Variants in LRRC8B observed in about 807,000 individuals in gnomAD.
The protein encoded by LRRC8B is leucine rich repeat containing 8 VRAC subunit B.
Under a neutral mutation model 58.8 loss-of-function variants are expected in LRRC8B, and 23 were observed. The ratio of observed to expected loss-of-function variants is 0.39; its 90% confidence interval spans 0.28 to 0.55. The LOEUF is 0.55. Among genes scored for constraint, LRRC8B ranks in the 20% least tolerant of loss-of-function variants. The pLI is 0.62. For missense variants in LRRC8B, 694 were observed against 936.0 expected (o/e 0.74, Z 3.37); for synonymous variants, 359 against 374.1 (o/e 0.96, Z 0.47).
intron 1 of LRRC8B, among the ~76,000 whole-genome samples, chr1:89,557,155 A>G (rs1170693886): frequency 1.3e-5 from 2 of 152,208 alleles, no homozygotes; most frequent in African/African-American, 4.8e-5. Flanking sequence ...GAAACAAATG[A>G]GTGACATTCT....
At chr1:89,580,116 A>G (rs1003933198) in intron 4 of LRRC8B, among the ~76,000 whole-genome samples, 5 of 152,310 alleles carry the variant, frequency 3.3e-5, no homozygotes, top group Admixed American at 3.3e-4. Flanking sequence ...CAAATCCACT[A>G]TTCTTTCACC....
At chr1:89,528,805 A>G (rs527423646) in intron 1 of LRRC8B, among the ~76,000 whole-genome samples, 1 of 152,288 alleles carries the variant, frequency 6.6e-6, no homozygotes, top group African/African-American at 2.4e-5. Flanking sequence ...AGTTCCAAGT[A>G]GCAGAAAGGA....
chr1:89,585,886 A>G (rs1340676386), intron 5 of LRRC8B, among the ~76,000 whole-genome samples: 1 of 152,234 alleles, frequency 6.6e-6, no homozygotes, highest in African/African-American at 2.4e-5. Flanking sequence ...CATGGTAAAT[A>G]TAGCTATGAG....
chr1:89,579,148 C>T (rs1238926826), intron 3 of LRRC8B, among the ~76,000 whole-genome samples: 1 of 152,106 alleles, frequency 6.6e-6, no homozygotes, highest in Non-Finnish European at 1.5e-5. Context: ...CAAATAAGAA[C>T]GACTGTGTTT....
In LRRC8B at chr1:89,577,096, A is replaced by G. The variant is rs1653907980; in HGVS notation, c.-124-2495A>G. ...GGGATATAAGGTGATTTTTAAATCAATTTTCAATGAGAGTAGTGTAGAGAA... is the reference window on the plus strand; with the variant it reads ...GGGATATAAGGTGATTTTTAAATCAGTTTTCAATGAGAGTAGTGTAGAGAA... On this transcript the variant is annotated intron_variant, in intron 3 of 5. Transcript: ENST00000330947. Among the ~76,000 whole-genome samples, 5 of 152,158 alleles carry G rather than the reference A, an allele frequency of 3.3e-5. 1 individual carries two copies. The highest frequency in any genetic ancestry group is 3.3e-4 in the Admixed American group (5 of 15,270).
intron 3 of LRRC8B, among the ~76,000 whole-genome samples, chr1:89,578,046 A>G (rs902266070): frequency 2.6e-5 from 4 of 152,218 alleles, no homozygotes. Context: ...CACCTTGGGC[A>G]AGGTTAATTC....
At position 89,592,842 on chromosome 1, in the gene LRRC8B, G is replaced by GA. The variant is rs751790039; in HGVS notation, c.2212dup (p.Met738AsnfsTer9). 6 of 1,614,028 alleles carry GA rather than the reference G, an allele frequency of 3.7e-6. No homozygotes were observed. The highest frequency in any genetic ancestry group is 5.1e-6 in the Non-Finnish European group (6 of 1,179,964). ...GTTTACTTTTGGGGAAAAATAGCTT[G>GA]ATGAATTTGTCCCCTCATGTGGGTG... On this transcript the variant is annotated frameshift_variant, in exon 6 of 6. Transcript: ENST00000330947. LOFTEE classifies it high-confidence loss of function.
At chr1:89,574,717 A>G (rs569780055) in intron 3 of LRRC8B, among the ~76,000 whole-genome samples, 32 of 152,268 alleles carry the variant, frequency 2.1e-4, no homozygotes, top group East Asian at 5.8e-4. Context: ...ATTTTCTCAG[A>G]TTGTAAATCC....
At chr1:89,567,772 TACA>T in intron 1 of LRRC8B, among the ~76,000 whole-genome samples, 1 of 152,240 alleles carries the variant, frequency 6.6e-6, no homozygotes, top group African/African-American at 2.4e-5. Flanking sequence ...CTGAGATGTT[TACA>T]ACATTATTAG....
At chr1:89,585,844 A>T (rs1654586907) in intron 5 of LRRC8B, among the ~76,000 whole-genome samples, 1 of 152,088 alleles carries the variant, frequency 6.6e-6, no homozygotes, top group South Asian at 2.1e-4. Flanking sequence ...AAGAAAATGT[A>T]TTATCTTTTA....
chr1:89,535,921 T>C (rs1378408921), intron 1 of LRRC8B, among the ~76,000 whole-genome samples: 1 of 152,034 alleles, frequency 6.6e-6, no homozygotes, highest in African/African-American at 2.4e-5. Context: ...ATAAATGCAA[T>C]TGAGAGGGAG....
At chr1:89,571,619 T>C (rs1025933680) in intron 3 of LRRC8B, among the ~76,000 whole-genome samples, 6 of 152,194 alleles carry the variant, frequency 3.9e-5, no homozygotes, top group Non-Finnish European at 8.8e-5. Context: ...TTTCTAGATA[T>C]AAAACCACGA....
chr1:89,549,054 A>G (rs1283363586), intron 1 of LRRC8B, among the ~76,000 whole-genome samples: 1 of 152,220 alleles, frequency 6.6e-6, no homozygotes, highest in East Asian at 1.9e-4. Flanking sequence ...CTGAGCCCCT[A>G]CTATCTGGGC....
chr1:89,545,499 T>C (rs1651334367), intron 1 of LRRC8B, among the ~76,000 whole-genome samples: 1 of 152,220 alleles, frequency 6.6e-6, no homozygotes, highest in Non-Finnish European at 1.5e-5. Context: ...CACCCTGTCA[T>C]ACTGTGTCTG....
Position 89,559,767 on chromosome 1 carries a change from A to G in LRRC8B, c.-240-8480A>G, listed in dbSNP as rs576291170. Among the ~76,000 whole-genome samples the G allele has an allele frequency of 9.2e-5, 14 of 152,334 alleles. No individual in the cohort carries two copies. In the South Asian group the frequency reaches 2.9e-3, roughly 32 times the overall value. The stretch of plus-strand genomic sequence containing the variant: ...CCTACTTATTTGTAAACATATAAAT[A>G]AATTTTAAAAATTAATACTTCCATT... On this transcript the variant is annotated intron_variant, in intron 1 of 5. Transcript: ENST00000330947.
At chr1:89,589,408 TC>T (rs1274544099) in intron 5 of LRRC8B, among the ~76,000 whole-genome samples, 1 of 152,162 alleles carries the variant, frequency 6.6e-6, no homozygotes, top group Non-Finnish European at 1.5e-5. Flanking sequence ...GCAAGATCCA[TC>T]CCTATCACAG....
At chr1:89,575,203 A>C (rs1396565705) in intron 3 of LRRC8B, among the ~76,000 whole-genome samples, 4 of 152,198 alleles carry the variant, frequency 2.6e-5, no homozygotes, top group African/African-American at 9.7e-5. Context: ...TGAAAGATAG[A>C]GTCCACTTCC....
Position 89,538,711 on chromosome 1 carries a change from G to GT in LRRC8B, c.-241+13698dup, listed in dbSNP as rs199600161. 3.6e-4 allele frequency among the ~76,000 whole-genome samples: 52 copies of GT among 145,398 alleles called. No homozygotes were observed. The East Asian group carries it at 5.8e-3, about 16-fold the overall frequency. ...AAAGGTTTAAATTAGCATCTTCGAG[G>GT]TTTTTTTTTGTTTGTTTGTTTGTTT... On this transcript the variant is annotated intron_variant, in intron 1 of 5. Coordinates refer to ENST00000330947, the MANE Select transcript of LRRC8B (RefSeq NM_001369817.2).
At chr1:89,588,246 A>G (rs1367190102) in intron 5 of LRRC8B, among the ~76,000 whole-genome samples, 3 of 152,170 alleles carry the variant, frequency 2.0e-5, no homozygotes, top group Non-Finnish European at 4.4e-5. Context: ...GGTGTCTTCC[A>G]TAGGACGGTA....
Sources: allele counts gnomAD v4.1 joint callset (sites outside exome capture counted in the v4.1 genomes callset), GRCh38; gene constraint gnomAD v4.1.1; transcripts MANE v1.5; gene names NCBI Gene and HGNC (gene_info 2026-07-23, HGNC 2026-07-21).